Variants in CTNNA3 observed in about 807,000 individuals in gnomAD.
CTNNA3 encodes catenin alpha 3.
CTNNA3 carries 76 observed loss-of-function variants against 95.7 expected under a neutral mutation model. That is an observed-to-expected ratio of 0.79 (90% CI 0.66 to 0.96). The LOEUF (loss-of-function observed/expected upper bound fraction) is 0.96, where lower values mean the gene tolerates loss of function less well. CTNNA3 is among the 40% of genes least tolerant of loss of function. CTNNA3 has a pLI of 0.00. For missense variants in CTNNA3, 1,191 were observed against 1,089.8 expected, an observed-to-expected ratio of 1.09 and a Z score of -1.31; for synonymous variants, 431 against 374.4, an observed-to-expected ratio of 1.15 and a Z score of -1.74.
At chr10:67,070,129 C>T (rs1250976187) in intron 7 of CTNNA3, among the ~76,000 whole-genome samples, 1 of 152,102 alleles carries the variant, frequency 6.6e-6, no homozygotes, top group African/African-American at 2.4e-5. Context: ...ACTTAATTTG[C>T]ATTAGTATAA....
intron 15 of CTNNA3, among the ~76,000 whole-genome samples, chr10:66,016,466 A>G (rs1295488480): frequency 1.3e-5 from 2 of 152,188 alleles, no homozygotes; most frequent in African/African-American, 4.8e-5. Flanking sequence ...TATCTATCCC[A>G]GAGAAGAGTC....
At chr10:65,941,034 C>T (rs372871809) in intron 17 of CTNNA3, among the ~76,000 whole-genome samples, 1 of 152,286 alleles carries the variant, frequency 6.6e-6, no homozygotes, top group East Asian at 1.9e-4. Context: ...AAGAAGATTA[C>T]TTATCCTTTC....
chr10:66,532,823 G>A (rs1841517345), intron 10 of CTNNA3, among the ~76,000 whole-genome samples: 2 of 152,118 alleles, frequency 1.3e-5, no homozygotes, highest in South Asian at 2.1e-4. Context: ...AAATAGGGTC[G>A]AAATAGTTAG....
At chr10:66,810,252 C>A (rs192404144) in intron 7 of CTNNA3, among the ~76,000 whole-genome samples, 2 of 152,152 alleles carry the variant, frequency 1.3e-5, no homozygotes, top group African/African-American at 4.8e-5. Context: ...ATAGTTCCAA[C>A]ATCTAAATAT....
chr10:67,417,941 A>G (rs1313005056), intron 5 of CTNNA3, among the ~76,000 whole-genome samples: 2 of 152,196 alleles, frequency 1.3e-5, no homozygotes, highest in African/African-American at 4.8e-5. Flanking sequence ...AGAGCCCAAA[A>G]GTGGAAACAA....
intron 13 of CTNNA3, among the ~76,000 whole-genome samples, chr10:66,231,206 C>A (rs2089572212): frequency 6.6e-6 from 1 of 152,134 alleles, no homozygotes; most frequent in Non-Finnish European, 1.5e-5. Flanking sequence ...GGAATGTGGA[C>A]TACTGAGGAT....
intron 7 of CTNNA3, among the ~76,000 whole-genome samples, chr10:67,104,586 C>T (rs1016095120): frequency 2.0e-5 from 3 of 151,942 alleles, no homozygotes; most frequent in Admixed American, 6.6e-5. Context: ...AGTAGACTCT[C>T]GACTCCATTA....
chr10:67,231,776 G>T (rs935834011), intron 5 of CTNNA3, among the ~76,000 whole-genome samples: 1 of 152,174 alleles, frequency 6.6e-6, no homozygotes, highest in African/African-American at 2.4e-5. Context: ...AAATTTAGAA[G>T]AATGTATAAC....
chr10:65,980,562 T>C (rs778618512), intron 16 of CTNNA3, among the ~76,000 whole-genome samples: 1 of 149,158 alleles, frequency 6.7e-6, no homozygotes, highest in African/African-American at 2.5e-5. Flanking sequence ...TAGACAAATA[T>C]CCCTAATGAA....
intron 5 of CTNNA3, among the ~76,000 whole-genome samples, chr10:67,305,381 A>G (rs1197146409): frequency 3.3e-5 from 5 of 151,224 alleles, no homozygotes; most frequent in Non-Finnish European, 7.4e-5. Flanking sequence ...AAAAAATTAA[A>G]AAAAAAAAAA....
chr10:67,405,849 C>T (rs945212959), intron 5 of CTNNA3, among the ~76,000 whole-genome samples: 4 of 152,120 alleles, frequency 2.6e-5, no homozygotes, highest in Non-Finnish European at 5.9e-5. Flanking sequence ...TCATAATGAA[C>T]AATCTCTCAG....
chr10:67,312,877 A>G lies in CTNNA3; in HGVS notation c.580-93007T>C, dbSNP rs570823470. 3.3e-5 allele frequency among the ~76,000 whole-genome samples: 5 copies of G among 152,334 alleles called. 1 individual carries two copies. In the South Asian group the frequency reaches 1.0e-3, roughly 32 times the overall value. On this transcript the variant is annotated intron_variant, in intron 5 of 17. Coordinates refer to ENST00000433211, the MANE Select transcript of CTNNA3 (RefSeq NM_013266.4). ...CAGCTTTTGCTAACCATAATAATAG[A>G]CAATCATTTATGAAGTATGTCACAA...
At chr10:66,392,644 A>G (rs1377291459) in intron 11 of CTNNA3, among the ~76,000 whole-genome samples, 1 of 152,146 alleles carries the variant, frequency 6.6e-6, no homozygotes, top group Non-Finnish European at 1.5e-5. Context: ...AACATGGTCA[A>G]CATTGTTTAT....
At chr10:66,519,263 A>G (rs1309583795) in intron 11 of CTNNA3, among the ~76,000 whole-genome samples, 2 of 151,966 alleles carry the variant, frequency 1.3e-5, no homozygotes, top group Admixed American at 6.5e-5. Context: ...TATCTTCACA[A>G]TCCTGTGGGA....
At chr10:66,895,410 G>A (rs1845441908) in intron 7 of CTNNA3, among the ~76,000 whole-genome samples, 1 of 152,106 alleles carries the variant, frequency 6.6e-6, no homozygotes, top group Non-Finnish European at 1.5e-5. Flanking sequence ...ATCAAAAATG[G>A]ATTATCAGTA....
At chr10:65,931,258 T>C (rs2133143837) in intron 17 of CTNNA3, among the ~76,000 whole-genome samples, 1 of 152,370 alleles carries the variant, frequency 6.6e-6, no homozygotes, top group South Asian at 2.1e-4. Flanking sequence ...TTCAGGGCTC[T>C]TGTGTGCTTT....
chr10:66,782,560 A>G (rs1159705099), intron 7 of CTNNA3, among the ~76,000 whole-genome samples: 1 of 151,924 alleles, frequency 6.6e-6, no homozygotes, highest in African/African-American at 2.4e-5. Flanking sequence ...TATTTCCACT[A>G]TATCTGTGAG....
Position 67,219,882 on chromosome 10 carries a change from A to G in CTNNA3, c.580-12T>C. ...GGAGATTTTAAGTCCTGAGAAGGTAAATAAAAAGAGTGGTATCTTACAATG... is the reference window on the plus strand; with the variant it reads ...GGAGATTTTAAGTCCTGAGAAGGTAGATAAAAAGAGTGGTATCTTACAATG... On this transcript the variant is annotated splice_polypyrimidine_tract_variant and intron_variant, in intron 5 of 17. Transcript: ENST00000433211. 6.3e-7 allele frequency: 1 copy of G among 1,594,872 alleles called. No homozygotes were observed. Among genetic ancestry groups the G allele is most frequent in the Non-Finnish European group, 8.6e-7 (1 of 1,167,938 alleles).
At chr10:67,234,146 C>T (rs1470614865) in intron 5 of CTNNA3, among the ~76,000 whole-genome samples, 1 of 152,150 alleles carries the variant, frequency 6.6e-6, no homozygotes, top group Non-Finnish European at 1.5e-5. Context: ...AGAGGGAATC[C>T]TCCCTAACTC....
Sources: gnomAD v4.1 joint callset for allele counts (sites outside exome capture counted in the v4.1 genomes callset) on GRCh38, gnomAD v4.1.1 for gene constraint, MANE v1.5 for transcripts, NCBI Gene and HGNC (gene_info 2026-07-23, HGNC 2026-07-21) for gene names.